The following CLEC4D variants were observed in gnomAD, a reference collection of about 807,000 sequenced individuals.
CLEC4D encodes C-type lectin domain family 4 member D.
Under a neutral mutation model 21.1 loss-of-function variants are expected in CLEC4D, and 21 were observed. The observed-to-expected ratio is 1.00, with a 90% confidence interval of 0.71 to 1.43. The LOEUF (loss-of-function observed/expected upper bound fraction) is 1.43, where lower values mean the gene tolerates loss of function less well. CLEC4D is among the 40% of genes most tolerant of loss of function. The probability of loss-of-function intolerance (pLI) is 0.00; values close to 1 mark genes in which losing one functional copy is unlikely to be tolerated. For missense variants in CLEC4D, 289 were observed against 260.7 expected, an observed-to-expected ratio of 1.11 and a Z score of -0.75; for synonymous variants, 85 against 83.1, an observed-to-expected ratio of 1.02 and a Z score of -0.12.
chr12:8,513,510 C>G lies in CLEC4D; in HGVS notation c.-223C>G. ...CCTTTTTTTTTTTTTTTCGCCTCAT[C>G]TCCCGGAATGTATCAAAGGAAACCC... On this transcript the variant is annotated 5_prime_UTR_variant, in exon 1 of 6. It adds an upstream start codon to the 5' untranslated region. Transcript: ENST00000299665. 3.7e-6 allele frequency: 1 copy of G among 270,942 alleles called. No individual in the cohort carries two copies. Among genetic ancestry groups the G allele is most frequent in the East Asian group, 6.1e-5 (1 of 16,262 alleles). The allele number at this position is 270,942 out of a possible 1,614,324, so 16.8% of individuals were successfully genotyped here. A position where few individuals can be genotyped will look rare whatever the true frequency, so the allele number is the denominator to read the frequency against.
chr12:8,527,710 C>T, the CLEC4D span, among the ~76,000 whole-genome samples: 4 of 152,224 alleles, frequency 2.6e-5, no homozygotes, highest in African/African-American at 9.6e-5. Context: ...CAGTGCTGGT[C>T]GCCCTCCGCC....
In CLEC4D at chr12:8,519,161, G is replaced by A. The variant is rs777592191; in HGVS notation, c.384+1G>A. 34 of 1,612,970 alleles carry A rather than the reference G, an allele frequency of 2.1e-5. No individual in the cohort carries two copies. In the South Asian group the frequency reaches 3.6e-4, roughly 17 times the overall value. On this transcript the variant is annotated splice_donor_variant, in intron 4 of 5. Coordinates refer to ENST00000299665, the MANE Select transcript of CLEC4D (RefSeq NM_080387.5). LOFTEE classifies it high-confidence loss of function. ...GACCATCAGCACGGAAGCTGAGCAGGTGTGTTGGGAGGATCACATCAGTTT... is the reference window on the plus strand; with the variant it reads ...GACCATCAGCACGGAAGCTGAGCAGATGTGTTGGGAGGATCACATCAGTTT...
the CLEC4D span, among the ~76,000 whole-genome samples, chr12:8,528,312 A>G: frequency 2.0e-5 from 3 of 152,190 alleles, no homozygotes; most frequent in Admixed American, 6.5e-5. Flanking sequence ...CAGCACCCTC[A>G]CTGTGTGATC....
chr12:8,520,789 AT>A (rs1251681220), intron 5 of CLEC4D, among the ~76,000 whole-genome samples: 1 of 152,216 alleles, frequency 6.6e-6, no homozygotes, highest in East Asian at 1.9e-4. Context: ...TTAATAACGT[AT>A]TAATAATGTA....
chr12:8,527,897 G>A, the CLEC4D span, among the ~76,000 whole-genome samples: 1 of 152,212 alleles, frequency 6.6e-6, no homozygotes, highest in Non-Finnish European at 1.5e-5. Context: ...CCCTGGCTGG[G>A]TAGTGTGCTC....
chr12:8,516,396 T>C (rs111934902), intron 2 of CLEC4D, among the ~76,000 whole-genome samples: 12 of 152,324 alleles, frequency 7.9e-5, no homozygotes, highest in African/African-American at 2.9e-4. Context: ...ACAAATTTTT[T>C]CAAACCAGTA....
In CLEC4D at chr12:8,518,229, A is replaced by G. The variant is rs142653292; in HGVS notation, c.187A>G (p.Lys63Glu). 7.0e-7 allele frequency: 1 copy of G among 1,423,040 alleles called. No homozygotes were observed. The highest frequency in any genetic ancestry group is 1.4e-5 in the African/African-American group (1 of 71,512). 88.2% of individuals were successfully genotyped at this position (1,423,040 alleles called of 1,614,324 possible). A position where few individuals can be genotyped will look rare whatever the true frequency, so the allele number is the denominator to read the frequency against. ...AGTGCACAAGTTAGAGCACCATGCA[A>G]AGCTCAAATGCATCAAAGAGAAATC... ...TGVHKLEHHA[K>E]LKCIKEKSEL... Residue 63 changes from lysine (K) to glutamate (E), a missense_variant, in exon 3 of 6, where the codon AAG becomes GAG. Lys to Glu is a moderately conservative substitution (Grantham distance 56, BLOSUM62 1). Coordinates refer to ENST00000299665, the MANE Select transcript of CLEC4D (RefSeq NM_080387.5).
chr12:8,523,586 G>A (rs1565493329), downstream of CLEC4D, among the ~76,000 whole-genome samples: 1 of 152,160 alleles, frequency 6.6e-6, no homozygotes, highest in African/African-American at 2.4e-5. Context: ...ATCAGTTCAA[G>A]AAGTTTTTGG....
the CLEC4D span, among the ~76,000 whole-genome samples, chr12:8,529,852 T>C: frequency 6.6e-6 from 1 of 152,022 alleles, no homozygotes; most frequent in Non-Finnish European, 1.5e-5. Flanking sequence ...AGAAATTATC[T>C]AAAACTGAAA....
At chr12:8,527,950 C>G in the CLEC4D span, among the ~76,000 whole-genome samples, 4 of 152,296 alleles carry the variant, frequency 2.6e-5, no homozygotes, top group South Asian at 8.3e-4. Context: ...TTCCCTTTCC[C>G]CCATGTGGCT....
chr12:8,531,328 A>G, the CLEC4D span, among the ~76,000 whole-genome samples: 3 of 152,192 alleles, frequency 2.0e-5, no homozygotes, highest in African/African-American at 7.2e-5. Flanking sequence ...ACGTGCAATG[A>G]TTTTAGGAGT....
chr12:8,531,561 T>C, the CLEC4D span, among the ~76,000 whole-genome samples: 340 of 152,316 alleles, frequency 2.2e-3, 2 homozygotes, highest in African/African-American at 7.8e-3. Context: ...ACGTTTGAGG[T>C]AATGAATGTG....
chr12:8,527,748 T>C, the CLEC4D span, among the ~76,000 whole-genome samples: 6 of 152,308 alleles, frequency 3.9e-5, no homozygotes, highest in East Asian at 9.7e-4. Flanking sequence ...AGGAGTTCAG[T>C]AGGCCTTGGC....
At chr12:8,530,375 C>T in the CLEC4D span, among the ~76,000 whole-genome samples, 9 of 150,298 alleles carry the variant, frequency 6.0e-5, no homozygotes, top group African/African-American at 2.2e-4. Flanking sequence ...TATTTCTAGA[C>T]CAGAACTGTC....
rs767251050 is a variant in CLEC4D at position 8,515,262 on chromosome 12, A to T, written c.55A>T (p.Ile19Leu). Residue 19 changes from isoleucine (I) to leucine (L), a missense_variant, in exon 2 of 6, where the codon ATA (isoleucine) becomes TTA (leucine). Transcript: ENST00000299665. ...KLEGGMHPQL[I>L]PSVIAVVFIL... is the part of the protein sequence containing the mutation. Reference sequence around the variant, plus strand: ...GGAAGGAGGCATGCATCCCCAGCTGATACCTTCGGTTATTGCTGTAGTTTT... The same window carrying T: ...GGAAGGAGGCATGCATCCCCAGCTGTTACCTTCGGTTATTGCTGTAGTTTT... 7 of 1,518,270 alleles carry T rather than the reference A, an allele frequency of 4.6e-6. No homozygotes were observed. Among genetic ancestry groups the T allele is most frequent in the East Asian group, 2.2e-5 (1 of 44,470 alleles). The allele number at this position is 1,518,270 out of a possible 1,614,324, so 94.0% of individuals were successfully genotyped here.
intron 3 of CLEC4D, 94 bp downstream of exon 3, chr12:8,518,368 T>A: frequency 1.5e-6 from 1 of 646,126 alleles, no homozygotes. Context: ...CAGGAAAGAT[T>A]AAAATAGCAT....
At chr12:8,520,362 A>G (rs1191725664) in intron 5 of CLEC4D, 21 bp downstream of exon 5, 8 of 1,601,154 alleles carry the variant, frequency 5.0e-6, no homozygotes, top group Non-Finnish European at 6.0e-6. Flanking sequence ...TGAGTGGGCT[A>G]AGGGGATTTA....
chr12:8,522,456 G>A (rs1374157472), downstream of CLEC4D: 3 of 152,244 alleles, frequency 2.0e-5, no homozygotes, highest in East Asian at 5.8e-4. Flanking sequence ...GCTTTTAAAA[G>A]CAGTATTTAT....
At chr12:8,519,902 T>C (rs945065400) in intron 4 of CLEC4D, among the ~76,000 whole-genome samples, 2 of 152,176 alleles carry the variant, frequency 1.3e-5, no homozygotes, top group African/African-American at 2.4e-5. Flanking sequence ...ATGCACGCAA[T>C]TAAAGAAGAT....
Sources: allele counts gnomAD v4.1 joint callset (sites outside exome capture counted in the v4.1 genomes callset), GRCh38; gene constraint gnomAD v4.1.1; transcripts MANE v1.5; gene names NCBI Gene and HGNC (gene_info 2026-07-23, HGNC 2026-07-21).